Variants in GIMAP8 observed in about 807,000 individuals in gnomAD.
GIMAP8 encodes GTPase, IMAP family member 8, also known as GTPase IMAP family member 8.
GIMAP8 carries 29 observed loss-of-function variants against 35.6 expected under a neutral mutation model. That is an observed-to-expected ratio of 0.81 (90% CI 0.61 to 1.11). The LOEUF is 1.11. Among genes scored for constraint, GIMAP8 ranks in the 50% most tolerant of loss-of-function variants. The pLI is 0.00. For synonymous variants in GIMAP8, 335 were observed against 308.7 expected (o/e 1.09, Z -0.89); for missense variants, 811 against 805.0 (o/e 1.01, Z -0.09).
intron 1 of GIMAP8, 46 bp from the exon 2 acceptor site, chr7:150,466,625 T>C: frequency 1.3e-6 from 2 of 1,501,108 alleles, no homozygotes; most frequent in Non-Finnish European, 1.8e-6. Flanking sequence ...TCCTGTCCAC[T>C]CTGTGTGGGA....
chr7:150,461,425 A>G (rs1218106834), intron 1 of GIMAP8, among the ~76,000 whole-genome samples: 1 of 152,212 alleles, frequency 6.6e-6, no homozygotes, highest in East Asian at 1.9e-4. Context: ...ATACATTTAT[A>G]GTTATTATAC....
rs752410990 is a variant in GIMAP8 at position 150,477,114 on chromosome 7, G to T, written c.1332G>T (p.Val444=). ...REKETLNIVL[V]GRSGTGKSAT... is the part of the protein sequence containing the mutation. The stretch of plus-strand genomic sequence containing the variant: ...CAGAAACCCTGAACATTGTCCTTGT[G>T]GGGAGAAGCGGGACTGGGAAGAGTG... The change falls in exon 5 of 5, where the codon GTG becomes GTT. Residue 444 remains valine, a synonymous_variant. Coordinates refer to ENST00000307271, the MANE Select transcript of GIMAP8 (RefSeq NM_175571.4). The T allele has an allele frequency of 7.5e-6, 12 of 1,606,160 alleles. No homozygotes were observed. The highest frequency in any genetic ancestry group is 1.1e-5 in the South Asian group (1 of 90,976).
chr7:150,460,077 C>T (rs189066019), intron 1 of GIMAP8, among the ~76,000 whole-genome samples: 1 of 152,126 alleles, frequency 6.6e-6, no homozygotes, highest in Admixed American at 6.5e-5. Flanking sequence ...GTGGCCATAG[C>T]CAGATTGGCC....
rs1166241285 is a variant in GIMAP8 at position 150,473,310 on chromosome 7, C to A, written c.683-702C>A. Among the ~76,000 whole-genome samples the A allele has an allele frequency of 2.0e-5, 3 of 151,950 alleles. No homozygotes were observed. The East Asian group carries it at 5.8e-4, about 29-fold the overall frequency. ...GGTACGATTTACACAGAGTAAAATG[C>A]ACAAATCTTAAGCAAACAGCTTGAT... is the stretch of plus-strand genomic sequence containing the variant. On this transcript the variant is annotated intron_variant, in intron 3 of 4. Transcript: ENST00000307271.
At chr7:150,476,685 T>C (rs1678316329) in intron 4 of GIMAP8, among the ~76,000 whole-genome samples, 1 of 152,162 alleles carries the variant, frequency 6.6e-6, no homozygotes, top group South Asian at 2.1e-4. Flanking sequence ...GATGTAGTTG[T>C]AACAGGAACA....
intron 1 of GIMAP8, among the ~76,000 whole-genome samples, chr7:150,454,479 C>T (rs1801686153): frequency 6.6e-6 from 1 of 152,106 alleles, no homozygotes. Flanking sequence ...AGTCCTTGGG[C>T]TAAGTGATGG....
intron 1 of GIMAP8, among the ~76,000 whole-genome samples, chr7:150,452,605 G>GTATGTATATATGTATATATGTATATA (rs1310363958): frequency 2.1e-5 from 3 of 142,538 alleles, no homozygotes; most frequent in African/African-American, 7.8e-5. Flanking sequence ...ATGTATATAT[G>GTATGTATATATGTATATATGTATATA]TATGTATATA....
chr7:150,458,731 T>G (rs184408901), intron 1 of GIMAP8, among the ~76,000 whole-genome samples: 7 of 152,332 alleles, frequency 4.6e-5, no homozygotes, highest in Admixed American at 4.6e-4. Context: ...GAAAAAGAAA[T>G]AAAGTCTTTT....
chr7:150,462,539 T>G (rs141437346), intron 1 of GIMAP8, among the ~76,000 whole-genome samples: 27 of 152,358 alleles, frequency 1.8e-4, no homozygotes, highest in African/African-American at 6.5e-4. Flanking sequence ...TGGTAATAGA[T>G]TACCTCAGTT....
In GIMAP8 at chr7:150,473,983, G is replaced by T. The variant is rs1435030122; in HGVS notation, c.683-29G>T. ...ACATCCATATTCAACTGCAGGAAGA[G>T]ACTCTGAACCTGTCCATTTGTCCCA... On this transcript the variant is annotated intron_variant, in intron 3 of 4. Coordinates refer to ENST00000307271, the MANE Select transcript of GIMAP8 (RefSeq NM_175571.4). 3.2e-6 allele frequency: 5 copies of T among 1,577,124 alleles called. No homozygotes were observed. The Admixed American group carries it at 7.5e-5, about 24-fold the overall frequency.
intron 1 of GIMAP8, among the ~76,000 whole-genome samples, chr7:150,462,951 A>G (rs542637458): frequency 1.9e-3 from 282 of 152,276 alleles, no homozygotes; most frequent in African/African-American, 6.3e-3. Context: ...CCCATCTTGT[A>G]TCTTTCTGGA....
At chr7:150,456,595 G>T (rs1456979869) in intron 1 of GIMAP8, among the ~76,000 whole-genome samples, 2 of 152,104 alleles carry the variant, frequency 1.3e-5, no homozygotes, top group Non-Finnish European at 2.9e-5. Context: ...AATAACATTG[G>T]CAAGGCCCCT....
At position 150,470,485 on chromosome 7, in the gene GIMAP8, G is replaced by T. The variant is rs77452176; in HGVS notation, c.637-344G>T. On this transcript the variant is annotated intron_variant, in intron 2 of 4. Coordinates refer to ENST00000307271, the MANE Select transcript of GIMAP8 (RefSeq NM_175571.4). ...TGTTGTCTCCATTTGCCAGACTTGG[G>T]GGGGTGGGGAACGGGATTCCAAATT... Among the ~76,000 whole-genome samples, 535 of 152,224 alleles carry T rather than the reference G, an allele frequency of 3.5e-3. 2 individuals are homozygous for T. The highest frequency in any genetic ancestry group is 0.012 in the African/African-American group (510 of 41,516).
chr7:150,468,463 G>C (rs1311911453), intron 2 of GIMAP8, among the ~76,000 whole-genome samples: 1 of 152,184 alleles, frequency 6.6e-6, no homozygotes, highest in Non-Finnish European at 1.5e-5. Flanking sequence ...AAGCCCCAGA[G>C]GGTGTACAGC....
Position 150,467,095 on chromosome 7 carries a change from T to G in GIMAP8, c.397T>G (p.Phe133Val), listed in dbSNP as rs1215007738. ...AGCCAGGAGGCACATCATTATTGTC[T>G]TCACTCGGAAGGATGATTTGGGGGA... ...AEARRHIIIVFTRKDDLGDDL... is the reference protein window; with the variant it reads ...AEARRHIIIVVTRKDDLGDDL... The change falls in exon 2 of 5, where the codon TTC becomes GTC. Residue 133 changes from phenylalanine (F) to valine (V), a missense_variant. Coordinates refer to ENST00000307271, the MANE Select transcript of GIMAP8 (RefSeq NM_175571.4). The G allele has an allele frequency of 1.2e-6, 2 of 1,614,052 alleles. No individual in the cohort carries two copies. The highest frequency in any genetic ancestry group is 2.7e-5 in the African/African-American group (2 of 74,904).
At position 150,474,433 on chromosome 7, in the gene GIMAP8, T is replaced by C. The variant is rs1802174070; in HGVS notation, c.1104T>C (p.Asp368=). The change falls in exon 4 of 5, where the codon GAT becomes GAC. Residue 368 remains aspartate, a synonymous_variant. Coordinates refer to ENST00000307271, the MANE Select transcript of GIMAP8 (RefSeq NM_175571.4). ...YMIILLTRKE[D]LGDQDLDTFL... ...TCATACTTCTTACCAGGAAAGAAGATTTAGGGGATCAGGATCTAGATACGT... is the reference window on the plus strand; with the variant it reads ...TCATACTTCTTACCAGGAAAGAAGACTTAGGGGATCAGGATCTAGATACGT... 2 of 1,613,578 alleles carry C rather than the reference T, an allele frequency of 1.2e-6. No individual in the cohort carries two copies. Among genetic ancestry groups the C allele is most frequent in the East Asian group, 4.5e-5 (2 of 44,876 alleles).
In GIMAP8 at chr7:150,477,256, G is replaced by A; in HGVS notation, c.1474G>A (p.Val492Met). Residue 492 changes from valine to methionine, a missense_variant, in exon 5 of 5, where the codon GTG becomes ATG. Val to Met is a conservative substitution (Grantham distance 21). Transcript: ENST00000307271. ...ATGGGACGGACAGGAGGTGGTGGTT[G>A]TGGACACTCCTTCCTTCAACCAGAT... ...RTWDGQEVVV[V>M]DTPSFNQMLD... The A allele has an allele frequency of 1.2e-6, 2 of 1,614,130 alleles. No homozygotes were observed. The highest frequency in any genetic ancestry group is 1.7e-6 in the Non-Finnish European group (2 of 1,180,024).
At chr7:150,453,943 CAGTG>C (rs933923746) in intron 1 of GIMAP8, among the ~76,000 whole-genome samples, 1 of 151,418 alleles carries the variant, frequency 6.6e-6, no homozygotes, top group African/African-American at 2.4e-5. Flanking sequence ...GTGGGGGTGT[CAGTG>C]GGGCACAGAG....
rs570271976 is a variant in GIMAP8, at chr7:150,457,899, T to A, written c.-29+6724T>A. On this transcript the variant is annotated intron_variant, in intron 1 of 4. Transcript: ENST00000307271. ...CTTGCTCATGGGCAGTTCTTTGAGC[T>A]GCACTCGGCCACTCTCCACTCCAGC... Among the ~76,000 whole-genome samples, 23 of 152,330 alleles carry A rather than the reference T, an allele frequency of 1.5e-4. No individual in the cohort carries two copies. In the South Asian group the frequency reaches 4.8e-3, roughly 32 times the overall value.
Sources: allele counts gnomAD v4.1 joint callset (sites outside exome capture counted in the v4.1 genomes callset), GRCh38; gene constraint gnomAD v4.1.1; transcripts MANE v1.5; gene names NCBI Gene and HGNC (gene_info 2026-07-23, HGNC 2026-07-21).